The following ZNF536 variants were observed in gnomAD, a reference collection of about 807,000 sequenced individuals.
ZNF536 encodes the protein zinc finger protein 536.
ZNF536 carries 13 observed loss-of-function variants against 84.5 expected under a neutral mutation model. The ratio of observed to expected loss-of-function variants is 0.15; its 90% CI spans 0.10 to 0.24. The LOEUF is 0.24. Ranked by LOEUF, ZNF536 falls within the 10% of genes least tolerant of loss-of-function variation. The pLI is 1.00. For synonymous variants in ZNF536, 811 were observed against 742.5 expected, an observed-to-expected ratio of 1.09 and a Z score of -1.50; for missense variants, 1,536 against 1,747.5, an observed-to-expected ratio of 0.88 and a Z score of 2.16.
chr19:30,461,357 C>T (rs564285066), intron 2 of ZNF536, among the ~76,000 whole-genome samples: 2 of 152,276 alleles, frequency 1.3e-5, no homozygotes, highest in East Asian at 1.9e-4. Flanking sequence ...CCAGCAAACT[C>T]GGCTGCTGGT....
At chr19:30,647,429 A>G (rs1330378614) in intron 1 of ZNF536, among the ~76,000 whole-genome samples, 1 of 152,062 alleles carries the variant, frequency 6.6e-6, no homozygotes, top group African/African-American at 2.4e-5. Context: ...AAATTCTAAG[A>G]TGGTTCCCAT....
At chr19:30,365,443 GC>G (rs567159596) in intron 3 of ZNF536, among the ~76,000 whole-genome samples, 92 of 152,316 alleles carry the variant, frequency 6.0e-4, no homozygotes, top group African/African-American at 2.2e-3. Flanking sequence ...AACAGCCATT[GC>G]AGTTCTTTCT....
intron 1 of ZNF536, among the ~76,000 whole-genome samples, chr19:30,624,960 T>C (rs992801726): frequency 2.9e-4 from 44 of 152,206 alleles, no homozygotes; most frequent in Admixed American, 3.9e-4. Context: ...AGGACATGTT[T>C]GCTTCCTCTT....
intron 2 of ZNF536, among the ~76,000 whole-genome samples, chr19:30,348,206 GTTCC>G (rs1257255469): frequency 1.3e-5 from 2 of 152,046 alleles, no homozygotes; most frequent in Non-Finnish European, 2.9e-5. Context: ...GCATTTGTTA[GTTCC>G]TTCCTTCATT....
At chr19:30,335,738 C>T (rs1182540510) in intron 2 of ZNF536, among the ~76,000 whole-genome samples, 2 of 152,196 alleles carry the variant, frequency 1.3e-5, no homozygotes, top group Non-Finnish European at 2.9e-5. Context: ...ATAGAATCTT[C>T]CTCGCCAGGG....
At chr19:30,286,020 G>C (rs1439766066) in intron 2 of ZNF536, among the ~76,000 whole-genome samples, 1 of 152,162 alleles carries the variant, frequency 6.6e-6, no homozygotes, top group East Asian at 1.9e-4. Flanking sequence ...AAGATGTGTG[G>C]GTGAAGACGA....
At chr19:30,636,634 G>A (rs758550915) in intron 1 of ZNF536, among the ~76,000 whole-genome samples, 19 of 152,210 alleles carry the variant, frequency 1.2e-4, no homozygotes, top group Admixed American at 3.3e-4. Flanking sequence ...TCTAGGCAAG[G>A]TCCCACAATA....
At chr19:30,556,357 C>G (rs1366585301) in intron 4 of ZNF536, 1 of 152,350 alleles carries the variant, frequency 6.6e-6, no homozygotes, top group Non-Finnish European at 1.5e-5. Flanking sequence ...CAGGCGATGT[C>G]CCCTAGGATC....
At chr19:30,448,517 C>G (rs1331611765) in intron 2 of ZNF536, among the ~76,000 whole-genome samples, 1 of 152,198 alleles carries the variant, frequency 6.6e-6, no homozygotes, top group Non-Finnish European at 1.5e-5. Context: ...TAAGAAATAA[C>G]TGCAAAACAC....
At chr19:30,675,019 C>G (rs556178259) in intron 1 of ZNF536, among the ~76,000 whole-genome samples, 26 of 152,254 alleles carry the variant, frequency 1.7e-4, no homozygotes, top group African/African-American at 5.8e-4. Flanking sequence ...GCTCTGTTTC[C>G]ACAACTCCCA....
At chr19:30,489,193 G>A (rs2054410549) in intron 2 of ZNF536, among the ~76,000 whole-genome samples, 1 of 152,154 alleles carries the variant, frequency 6.6e-6, no homozygotes, top group Admixed American at 6.5e-5. Flanking sequence ...ATTCAACAGG[G>A]AACAGAAAAC....
intron 1 of ZNF536, among the ~76,000 whole-genome samples, chr19:30,257,855 T>G (rs186351961): frequency 2.0e-4 from 30 of 152,362 alleles, no homozygotes; most frequent in Admixed American, 9.1e-4. Context: ...GTTTCCTCTT[T>G]GTTCAAACTC....
intron 2 of ZNF536, among the ~76,000 whole-genome samples, chr19:30,479,648 G>A (rs771700927): frequency 3.3e-5 from 5 of 152,190 alleles, no homozygotes; most frequent in Non-Finnish European, 7.3e-5. Flanking sequence ...CTGGCCACCT[G>A]CGCTTGTTCC....
At chr19:30,423,732 C>A (rs1275107964) in intron 1 of ZNF536, among the ~76,000 whole-genome samples, 2 of 152,178 alleles carry the variant, frequency 1.3e-5, no homozygotes, top group Non-Finnish European at 2.9e-5. Flanking sequence ...GAAGAGCATG[C>A]AAGGGCAGGG....
intron 1 of ZNF536, among the ~76,000 whole-genome samples, chr19:30,656,975 A>G (rs1162207580): frequency 6.6e-6 from 1 of 152,212 alleles, no homozygotes; most frequent in East Asian, 1.9e-4. Flanking sequence ...GTTAATTCAC[A>G]GGCACTCATG....
chr19:30,340,893 T>G (rs1427255493), intron 2 of ZNF536, among the ~76,000 whole-genome samples: 2 of 152,120 alleles, frequency 1.3e-5, no homozygotes, highest in Admixed American at 6.6e-5. Flanking sequence ...ACAGGCATCG[T>G]GTGTGTGTTT....
intron 1 of ZNF536, among the ~76,000 whole-genome samples, chr19:30,677,206 C>T (rs1231182421): frequency 6.6e-6 from 1 of 152,232 alleles, no homozygotes; most frequent in African/African-American, 2.4e-5. Flanking sequence ...AAACCAGACA[C>T]CTGGCTGGTG....
At chr19:30,367,128 C>T (rs994159623) in intron 3 of ZNF536, among the ~76,000 whole-genome samples, 2 of 152,198 alleles carry the variant, frequency 1.3e-5, no homozygotes, top group African/African-American at 4.8e-5. Context: ...GGGGCAGTGG[C>T]CCCTTTTCCA....
chr19:30,628,785 A>G (rs1411620640), intron 1 of ZNF536, among the ~76,000 whole-genome samples: 1 of 151,140 alleles, frequency 6.6e-6, no homozygotes, highest in Non-Finnish European at 1.5e-5. Flanking sequence ...TGCAACCTCC[A>G]CCTCCTGGGT....
Sources: allele counts gnomAD v4.1 joint callset (sites outside exome capture counted in the v4.1 genomes callset), GRCh38; gene constraint gnomAD v4.1.1; transcripts MANE v1.5; gene names NCBI Gene and HGNC (gene_info 2026-07-23, HGNC 2026-07-21).